The following NLRC4 variants were observed in gnomAD, a reference collection of about 807,000 sequenced individuals.
The protein encoded by NLRC4 is NLR family CARD domain-containing protein 4.
A neutral mutation model predicts 79.9 loss-of-function variants in NLRC4; 63 were observed. That is an observed-to-expected ratio of 0.79 (90% CI 0.64 to 0.97). The LOEUF (loss-of-function observed/expected upper bound fraction) is 0.97, where lower values mean the gene tolerates loss of function less well. Among genes scored for constraint, NLRC4 ranks in the 50% least tolerant of loss-of-function variants. NLRC4 has a pLI of 0.00. For missense variants in NLRC4, 1,074 were observed against 1,215.2 expected (o/e 0.88, Z 1.73); for synonymous variants, 461 against 456.5 (o/e 1.01, Z -0.12).
rs188656108 is a variant in NLRC4 at position 32,246,688 on chromosome 2, A to G, written c.2257+2919T>C. ...ATTTGGGGAAGTATCCCCGTTACCC[A>G]GAAAGATTGCCCTCGCATATCTGTG... On this transcript the variant is annotated intron_variant, in intron 4 of 8. Transcript: ENST00000402280. Among the ~76,000 whole-genome samples the G allele has an allele frequency of 1.5e-4, 23 of 152,388 alleles. 1 individual carries two copies. The highest frequency in any genetic ancestry group is 4.8e-4 in the African/African-American group (20 of 41,598).
At chr2:32,249,451 G>A (rs1260002146) in intron 4 of NLRC4, among the ~76,000 whole-genome samples, 156 bp downstream of exon 4, 1 of 152,156 alleles carries the variant, frequency 6.6e-6, no homozygotes, top group African/African-American at 2.4e-5. Context: ...CCTGTCTCTG[G>A]TCTTGGTTGG....
intron 4 of NLRC4, among the ~76,000 whole-genome samples, chr2:32,245,558 G>A (rs947972750): frequency 6.6e-6 from 1 of 152,040 alleles, no homozygotes; most frequent in South Asian, 2.1e-4. Flanking sequence ...GTATTTGATA[G>A]CACAACATAG....
At chr2:32,241,218 G>T in intron 4 of NLRC4, 93 bp from the exon 5 acceptor site, 2 of 779,728 alleles carry the variant, frequency 2.6e-6, no homozygotes, top group Non-Finnish European at 4.3e-6. Context: ...CCAATCAAAA[G>T]ATTTTAATGA....
At chr2:32,260,874 C>G (rs1430559065) in intron 1 of NLRC4, among the ~76,000 whole-genome samples, 2 of 152,122 alleles carry the variant, frequency 1.3e-5, no homozygotes, top group Non-Finnish European at 2.9e-5. Flanking sequence ...ATATCAGACA[C>G]CACCTTCTCA....
chr2:32,265,418 C>A (rs1336119216), upstream of NLRC4, among the ~76,000 whole-genome samples: 1 of 152,110 alleles, frequency 6.6e-6, no homozygotes, highest in Non-Finnish European at 1.5e-5. Context: ...TGACCTCAGG[C>A]AATCTGCCAG....
intron 7 of NLRC4, 45 bp from the exon 8 acceptor site, chr2:32,235,613 C>G: frequency 6.5e-7 from 1 of 1,544,498 alleles, no homozygotes; most frequent in Non-Finnish European, 8.9e-7. Context: ...GGTCTCAAAA[C>G]TGAGGAAGAA....
At chr2:32,227,965 A>G (rs1287137873) in intron 8 of NLRC4, among the ~76,000 whole-genome samples, 3 of 152,186 alleles carry the variant, frequency 2.0e-5, no homozygotes, top group Non-Finnish European at 4.4e-5. Flanking sequence ...GGGTTCCTGT[A>G]TCCCAAACAC....
intron 6 of NLRC4, among the ~76,000 whole-genome samples, chr2:32,236,868 A>AAAG (rs1553343346): frequency 4.0e-5 from 6 of 151,694 alleles, no homozygotes; most frequent in East Asian, 1.9e-4. Flanking sequence ...GGATGAGAAA[A>AAAG]AAAACAAATA....
chr2:32,230,469 C>CTTTT (rs1207120518), intron 8 of NLRC4, among the ~76,000 whole-genome samples: 1 of 131,658 alleles, frequency 7.6e-6, no homozygotes, highest in Admixed American at 7.5e-5. Context: ...CCAGCCCCCG[C>CTTTT]TATTTTTTTT....
intron 1 of NLRC4, among the ~76,000 whole-genome samples, chr2:32,257,194 T>C (rs535846503): frequency 6.6e-6 from 1 of 152,350 alleles, no homozygotes; most frequent in South Asian, 2.1e-4. Flanking sequence ...ACGGTATAAG[T>C]GTCAACATGA....
At position 32,250,912 on chromosome 2, in the gene NLRC4, C is replaced by G. The variant is rs779778729; in HGVS notation, c.952G>C (p.Ala318Pro). The G allele has an allele frequency of 3.1e-6, 5 of 1,614,032 alleles. No individual in the cohort carries two copies. The highest frequency in any genetic ancestry group is 3.3e-5 in the Admixed American group (2 of 60,000). Residue 318 changes from alanine to proline, a missense_variant, in exon 4 of 9, where the codon GCT (alanine) becomes CCT (proline). Coordinates refer to ENST00000402280, the MANE Select transcript of NLRC4 (RefSeq NM_001199138.2). This position sits in a 1 kb window ranked among gnomAD's most constrained non-coding sequence, Gnocchi z 4.9. ...TGAATTTGGAGCAACAAGCCTTCAGCAAGCTCCTTGATCAGCACTTCTCGG... is the reference window on the plus strand; with the variant it reads ...TGAATTTGGAGCAACAAGCCTTCAGGAAGCTCCTTGATCAGCACTTCTCGG... ...LIREVLIKEL[A>P]EGLLLQIQKS...
intron 8 of NLRC4, among the ~76,000 whole-genome samples, chr2:32,226,418 A>T (rs1686399852): frequency 6.6e-6 from 1 of 152,172 alleles, no homozygotes; most frequent in East Asian, 1.9e-4. Flanking sequence ...TTCTTTACAG[A>T]CACCTAAAGT....
At position 32,250,258 on chromosome 2, in the gene NLRC4, TTTG is replaced by T; in HGVS notation, c.1603_1605del (p.Gln535del). On this transcript the variant is annotated inframe_deletion, in exon 4 of 9. Transcript: ENST00000402280. The surrounding 1 kb of genome is among the most constrained non-coding windows in gnomAD (Gnocchi z 4.9). ...TCTTGCTCAGTGGTGTTTTTCACAC[TTTG>T]CAAAGATTCCTGTCTCCAGAGAGGC... The T allele has an allele frequency of 6.2e-7, 1 of 1,614,210 alleles. No homozygotes were observed. Among genetic ancestry groups the T allele is most frequent in the Non-Finnish European group, 8.5e-7 (1 of 1,180,034 alleles).
chr2:32,250,180 A>G lies in NLRC4; in HGVS notation c.1684T>C (p.Tyr562His), dbSNP rs745860165. The G allele has an allele frequency of 3.1e-6, 5 of 1,614,252 alleles. No individual in the cohort carries two copies. ...NSFVECGIHL[Y>H]QESTSKSALS... ...GCTGATTTGGATGTACTCTCTTGAT[A>G]TAAATGGATGCCACACTCTACAAAG... The change falls in exon 4 of 9, where the codon TAT becomes CAT. Residue 562 changes from tyrosine (Y) to histidine (H), a missense_variant. Physicochemically the swap from Tyr to His is moderately conservative, Grantham distance 83 (BLOSUM62 2). Coordinates refer to ENST00000402280, the MANE Select transcript of NLRC4 (RefSeq NM_001199138.2). The surrounding 1 kb of genome is among the most constrained non-coding windows in gnomAD (Gnocchi z 4.9).
At chr2:32,235,711 T>G (rs549362325) in intron 7 of NLRC4, 143 bp from the exon 8 acceptor site, 134 of 603,796 alleles carry the variant, frequency 2.2e-4, no homozygotes, top group African/African-American at 1.5e-3. Flanking sequence ...TAATTTTTGG[T>G]TTTTTTTTGG....
At chr2:32,240,421 A>T (rs1265095517) in intron 5 of NLRC4, among the ~76,000 whole-genome samples, 2 of 139,624 alleles carry the variant, frequency 1.4e-5, no homozygotes, top group African/African-American at 2.6e-5. Context: ...AAAAAAAAAA[A>T]TCCAACACAC....
At chr2:32,249,223 G>A (rs1447366140) in intron 4 of NLRC4, among the ~76,000 whole-genome samples, 1 of 152,204 alleles carries the variant, frequency 6.6e-6, no homozygotes, top group Non-Finnish European at 1.5e-5. Flanking sequence ...CTTGGGCTAT[G>A]TGCAGCCCAC....
chr2:32,250,211 G>C lies in NLRC4; in HGVS notation c.1653C>G (p.Ile551Met), dbSNP rs1377063564. Residue 551 changes from isoleucine to methionine, a missense_variant, in exon 4 of 9, where the codon ATC becomes ATG. Ile to Met is a conservative substitution (Grantham distance 10). Transcript: ENST00000402280. This position sits in a 1 kb window ranked among gnomAD's most constrained non-coding sequence, Gnocchi z 4.9. ...GGATGCCACACTCTACAAAGGAATTGATGTTTATGGCTTTCAGAATTTCTT... is the reference window on the plus strand; with the variant it reads ...GGATGCCACACTCTACAAAGGAATTCATGTTTATGGCTTTCAGAATTTCTT... ...TEQEILKAININSFVECGIHL... is the reference protein window; with the variant it reads ...TEQEILKAINMNSFVECGIHL... The C allele has an allele frequency of 6.2e-7, 1 of 1,614,206 alleles. No individual in the cohort carries two copies. Among genetic ancestry groups the C allele is most frequent in the Admixed American group, 1.7e-5 (1 of 60,026 alleles).
intron 8 of NLRC4, 74 bp from the exon 9 acceptor site, chr2:32,224,839 T>C: frequency 1.2e-6 from 1 of 866,430 alleles, no homozygotes; most frequent in African/African-American, 1.7e-5. Context: ...GTTCTACATT[T>C]ATTTTACATA....
Sources: gnomAD v4.1 joint callset for allele counts (sites outside exome capture counted in the v4.1 genomes callset) on GRCh38, gnomAD v4.1.1 for gene constraint, Gnocchi (gnomAD v3.1) non-coding constraint, MANE v1.5 for transcripts, NCBI Gene and HGNC (gene_info 2026-07-23, HGNC 2026-07-21) for gene names.